Variants in CTNNBL1 observed in about 807,000 individuals in gnomAD.
The protein encoded by CTNNBL1 is catenin beta like 1.
A neutral mutation model predicts 72.7 loss-of-function variants in CTNNBL1; 31 were observed. That is an observed-to-expected ratio of 0.43 (90% CI 0.32 to 0.58). CTNNBL1 has a LOEUF of 0.58. CTNNBL1 is among the 20% of genes least tolerant of loss of function. CTNNBL1 has a pLI of 0.08. For missense variants in CTNNBL1, 534 were observed against 725.1 expected, an observed-to-expected ratio of 0.74 and a Z score of 3.03; for synonymous variants, 240 against 267.3, an observed-to-expected ratio of 0.90 and a Z score of 1.00.
intron 1 of CTNNBL1, among the ~76,000 whole-genome samples, chr20:37,705,650 C>G (rs565824430): frequency 6.6e-6 from 1 of 152,278 alleles, no homozygotes; most frequent in African/African-American, 2.4e-5. Flanking sequence ...TATGTCATCA[C>G]CATAGTAATT....
chr20:37,715,767 A>T (rs531006169), intron 1 of CTNNBL1, among the ~76,000 whole-genome samples: 1 of 152,324 alleles, frequency 6.6e-6, no homozygotes, highest in South Asian at 2.1e-4. Flanking sequence ...TATAAACAAG[A>T]TTAAGAGGTT....
intron 11 of CTNNBL1, among the ~76,000 whole-genome samples, chr20:37,806,463 A>G (rs1436332211): frequency 6.6e-6 from 1 of 152,210 alleles, no homozygotes; most frequent in Non-Finnish European, 1.5e-5. Context: ...ACTAAAGGTG[A>G]TCTGTCTTCA....
At chr20:37,725,534 G>A (rs190816981) in intron 1 of CTNNBL1, among the ~76,000 whole-genome samples, 180 of 784 alleles carry the variant, frequency 0.23, 1 homozygote, top group Non-Finnish European at 0.28. Flanking sequence ...AAACTCAGGT[G>A]ATCTGCCTGC....
At chr20:37,720,128 C>G (rs373245317) in intron 1 of CTNNBL1, among the ~76,000 whole-genome samples, 11 of 152,070 alleles carry the variant, frequency 7.2e-5, no homozygotes, top group African/African-American at 2.7e-4. Context: ...CCCAGGTTCA[C>G]GCCATTCTTC....
chr20:37,787,593 C>G (rs1208772939), intron 10 of CTNNBL1, among the ~76,000 whole-genome samples: 1 of 152,234 alleles, frequency 6.6e-6, no homozygotes, highest in Non-Finnish European at 1.5e-5. Context: ...ATCCGCACGC[C>G]TTGGCCTCCC....
Position 37,803,022 on chromosome 20 carries a change from T to G in CTNNBL1, c.1187T>G (p.Val396Gly). 6.2e-7 allele frequency: 1 copy of G among 1,614,006 alleles called. No homozygotes were observed. Among genetic ancestry groups the G allele is most frequent in the Non-Finnish European group, 8.5e-7 (1 of 1,179,978 alleles). The stretch of plus-strand genomic sequence containing the variant: ...AAATCTCCCAGGAAGATCAAGAAAG[T>G]GGGAACCACTGAGAAGGAACATGAA... ...FMKSPRKIKKVGTTEKEHEEH... is the reference protein window; with the variant it reads ...FMKSPRKIKKGGTTEKEHEEH... Residue 396 changes from valine (V) to glycine (G), a missense_variant, in exon 11 of 16, where the codon GTG becomes GGG. Physicochemically the swap from Val to Gly is moderately radical, Grantham distance 109. Transcript: ENST00000361383.
chr20:37,698,386 C>A (rs1425469893), intron 1 of CTNNBL1, among the ~76,000 whole-genome samples: 2 of 152,180 alleles, frequency 1.3e-5, no homozygotes, highest in African/African-American at 4.8e-5. Context: ...AGGTGAGAGG[C>A]CCACCCGTTA....
At chr20:37,811,853 TA>T (rs1261257060) in intron 11 of CTNNBL1, among the ~76,000 whole-genome samples, 1 of 152,258 alleles carries the variant, frequency 6.6e-6, no homozygotes, top group Non-Finnish European at 1.5e-5. Context: ...AAAGTACCTT[TA>T]TGAATTAGGC....
intron 13 of CTNNBL1, among the ~76,000 whole-genome samples, chr20:37,851,225 C>T (rs4811211): frequency 0.82 from 125,050 of 152,168 alleles, 51,449 homozygotes; most frequent in Middle Eastern, 0.89. Flanking sequence ...TCTGTTCTAC[C>T]GAATGCACCA....
In CTNNBL1 at chr20:37,717,077, C is replaced by G. The variant is rs1016156428; in HGVS notation, c.31-15802C>G. Among the ~76,000 whole-genome samples, 4 of 149,646 alleles carry G rather than the reference C, an allele frequency of 2.7e-5. No homozygotes were observed. The East Asian group carries it at 7.7e-4, about 29-fold the overall frequency. On this transcript the variant is annotated intron_variant, in intron 1 of 15. Transcript: ENST00000361383. ...ATTCAGTCCTGGATCATTCATTCCCCCCTTCCCATTTTTCCAAAACATCTT... is the reference window on the plus strand; with the variant it reads ...ATTCAGTCCTGGATCATTCATTCCCGCCTTCCCATTTTTCCAAAACATCTT...
At chr20:37,725,125 T>C (rs2073072513) in intron 1 of CTNNBL1, among the ~76,000 whole-genome samples, 1 of 151,998 alleles carries the variant, frequency 6.6e-6, no homozygotes, top group Non-Finnish European at 1.5e-5. Flanking sequence ...CAGGCTGGTC[T>C]CGAACTCCTG....
chr20:37,764,216 C>T (rs542569331), intron 5 of CTNNBL1, among the ~76,000 whole-genome samples: 11 of 152,304 alleles, frequency 7.2e-5, no homozygotes, highest in African/African-American at 2.2e-4. Flanking sequence ...GGGAGGATAA[C>T]GCAAATATGC....
At chr20:37,866,598 T>G (rs2072539061) in intron 15 of CTNNBL1, among the ~76,000 whole-genome samples, 1 of 152,316 alleles carries the variant, frequency 6.6e-6, no homozygotes, top group East Asian at 1.9e-4. Flanking sequence ...TTGTTATAAT[T>G]AGTGTCCAAG....
At chr20:37,815,001 A>G (rs1044774859) in intron 11 of CTNNBL1, among the ~76,000 whole-genome samples, 2 of 151,874 alleles carry the variant, frequency 1.3e-5, no homozygotes, top group African/African-American at 2.4e-5. Context: ...ATCACCCCCA[A>G]TCCTACTAGC....
chr20:37,850,738 T>A (rs1380686226), intron 13 of CTNNBL1, among the ~76,000 whole-genome samples: 1 of 152,224 alleles, frequency 6.6e-6, no homozygotes, highest in Non-Finnish European at 1.5e-5. Context: ...CTCCCCTTGC[T>A]TTGGAAGAAA....
chr20:37,715,790 T>C (rs1484252753), intron 1 of CTNNBL1, among the ~76,000 whole-genome samples: 1 of 152,224 alleles, frequency 6.6e-6, no homozygotes, highest in African/African-American at 2.4e-5. Context: ...TGAAAAGATA[T>C]CAGTGGAGCT....
chr20:37,811,962 C>G (rs1487452932), intron 11 of CTNNBL1, among the ~76,000 whole-genome samples: 2 of 152,218 alleles, frequency 1.3e-5, no homozygotes, highest in East Asian at 3.8e-4. Flanking sequence ...GAGCCTAAGT[C>G]TACTTCTAAA....
intron 13 of CTNNBL1, 46 bp downstream of exon 13, chr20:37,842,465 G>T: frequency 7.3e-7 from 1 of 1,367,600 alleles, no homozygotes; most frequent in Non-Finnish European, 1.0e-6. Context: ...CTTGCCCTCC[G>T]TTTGGGTCCC....
chr20:37,812,838 A>G (rs952214745), intron 11 of CTNNBL1, among the ~76,000 whole-genome samples: 1 of 152,216 alleles, frequency 6.6e-6, no homozygotes, highest in African/African-American at 2.4e-5. Flanking sequence ...GTTACAAGGT[A>G]AAGATGTAGA....
Sources: gnomAD v4.1 joint callset for allele counts (sites outside exome capture counted in the v4.1 genomes callset) on GRCh38, gnomAD v4.1.1 for gene constraint, MANE v1.5 for transcripts, NCBI Gene and HGNC (gene_info 2026-07-23, HGNC 2026-07-21) for gene names.